The following CEP128 variants were observed in gnomAD, a reference collection of about 807,000 sequenced individuals.
CEP128 encodes the protein centrosomal protein 128kDa.
CEP128 carries 132 observed loss-of-function variants against 156.7 expected under a neutral mutation model. The ratio of observed to expected loss-of-function variants is 0.84; its 90% confidence interval spans 0.73 to 0.97. The LOEUF is 0.97. CEP128 is among the 50% of genes least tolerant of loss of function. The probability of loss-of-function intolerance (pLI) is 0.00; values close to 1 mark genes in which losing one functional copy is unlikely to be tolerated. For missense variants in CEP128, 1,252 were observed against 1,281.9 expected (o/e 0.98, Z 0.36); for synonymous variants, 469 against 448.9 (o/e 1.04, Z -0.57).
intron 8 of CEP128, 103 bp downstream of exon 8, chr14:80,895,615 A>T: frequency 2.9e-6 from 2 of 696,838 alleles, no homozygotes; most frequent in South Asian, 5.3e-5. Flanking sequence ...AATGGGACAT[A>T]CCACCCAAAA....
intron 19 of CEP128, among the ~76,000 whole-genome samples, chr14:80,682,104 T>TC (rs1396731396): frequency 1.2e-4 from 18 of 150,358 alleles, no homozygotes; most frequent in Non-Finnish European, 2.4e-4. Context: ...TAAGACCCTT[T>TC]CCCCCCACAA....
At chr14:80,765,827 C>A (rs764954587) in intron 16 of CEP128, among the ~76,000 whole-genome samples, 5 of 152,150 alleles carry the variant, frequency 3.3e-5, no homozygotes, top group Non-Finnish European at 7.4e-5. Flanking sequence ...AGTGAAAGAA[C>A]CTATTAAATA....
intron 19 of CEP128, among the ~76,000 whole-genome samples, chr14:80,618,157 T>C (rs1311222798): frequency 6.6e-6 from 1 of 152,236 alleles, no homozygotes; most frequent in African/African-American, 2.4e-5. Context: ...AGATACTATG[T>C]CAATACTTTT....
At chr14:80,545,199 G>A (rs955057596) in intron 21 of CEP128, among the ~76,000 whole-genome samples, 3 of 152,190 alleles carry the variant, frequency 2.0e-5, no homozygotes, top group African/African-American at 7.2e-5. Context: ...CTCCAGTGCA[G>A]TGCCTATAAG....
intron 8 of CEP128, among the ~76,000 whole-genome samples, chr14:80,868,709 C>T (rs1056079890): frequency 6.6e-6 from 1 of 151,980 alleles, no homozygotes; most frequent in Non-Finnish European, 1.5e-5. Flanking sequence ...AGAGTAGCTA[C>T]TTAGACTTTT....
chr14:80,494,346 A>C (rs995960407), downstream of CEP128, among the ~76,000 whole-genome samples: 2 of 152,168 alleles, frequency 1.3e-5, no homozygotes, highest in Non-Finnish European at 2.9e-5. Context: ...ACACTGGAAC[A>C]GTTTGTCTGG....
chr14:80,599,952 T>C (rs1034161561), intron 19 of CEP128, among the ~76,000 whole-genome samples: 3 of 152,144 alleles, frequency 2.0e-5, no homozygotes, highest in East Asian at 1.9e-4. Context: ...CCTGAAGATA[T>C]CTGTGTTTTC....
intron 19 of CEP128, among the ~76,000 whole-genome samples, chr14:80,739,117 C>A (rs1293453299): frequency 6.6e-6 from 1 of 152,204 alleles, no homozygotes; most frequent in African/African-American, 2.4e-5. Flanking sequence ...TCCTTTTCTC[C>A]AAATACTCAT....
rs543779309 is a variant in CEP128 at position 80,511,055 on chromosome 14, T to A, written c.3073-6035A>T. On this transcript the variant is annotated intron_variant, in intron 23 of 24. Coordinates refer to ENST00000555265, the MANE Select transcript of CEP128 (RefSeq NM_152446.5). The stretch of plus-strand genomic sequence containing the variant: ...TCATCAGAGATATTGGCCTGTGGGT[T>A]TTTTTTTTCCTTTTTTTTTTTTATA... Among the ~76,000 whole-genome samples the A allele has an allele frequency of 1.1e-3, 167 of 150,752 alleles. 1 individual carries two copies. Among genetic ancestry groups the A allele is most frequent in the African/African-American group, 3.9e-3 (161 of 41,156 alleles).
intron 19 of CEP128, among the ~76,000 whole-genome samples, chr14:80,699,962 C>T (rs572079982): frequency 1.3e-5 from 2 of 152,252 alleles, no homozygotes; most frequent in South Asian, 2.1e-4. Flanking sequence ...ACCTCTACTA[C>T]AGGGACCAGT....
At chr14:80,513,151 A>G (rs150771200) in intron 23 of CEP128, among the ~76,000 whole-genome samples, 1,756 of 152,194 alleles carry the variant, frequency 0.012, 19 homozygotes, top group Non-Finnish European at 0.02. Context: ...TTGTTATAGG[A>G]CAGGTCTAGT....
At chr14:80,565,572 C>T (rs1890879792) in intron 20 of CEP128, among the ~76,000 whole-genome samples, 1 of 152,174 alleles carries the variant, frequency 6.6e-6, no homozygotes, top group Non-Finnish European at 1.5e-5. Context: ...TGGGTGGATA[C>T]AGTTTGTAAC....
At chr14:80,617,098 T>C (rs181129168) in intron 19 of CEP128, among the ~76,000 whole-genome samples, 3 of 135,608 alleles carry the variant, frequency 2.2e-5, no homozygotes, top group Non-Finnish European at 3.2e-5. Context: ...AGGAAAACAT[T>C]TGGAACTAAG....
chr14:80,642,095 A>AAAAAAAAAAG (rs1374877950), intron 19 of CEP128, among the ~76,000 whole-genome samples: 2 of 150,388 alleles, frequency 1.3e-5, no homozygotes, highest in African/African-American at 2.4e-5. Context: ...GTTTCAAAAA[A>AAAAAAAAAAG]AAAAAAGAAG....
chr14:80,884,715 G>A (rs11844105), intron 8 of CEP128, among the ~76,000 whole-genome samples: 1 of 152,166 alleles, frequency 6.6e-6, no homozygotes, highest in South Asian at 2.1e-4. Context: ...TGGGTTTCAA[G>A]CACAAAACTG....
chr14:80,486,884 A>T (rs902026875), downstream of CEP128, among the ~76,000 whole-genome samples: 1 of 152,150 alleles, frequency 6.6e-6, no homozygotes, highest in Admixed American at 6.5e-5. Flanking sequence ...AGCACTAAAC[A>T]TGGAAAGGAA....
intron 8 of CEP128, among the ~76,000 whole-genome samples, chr14:80,874,622 G>C (rs372008634): frequency 1.3e-5 from 2 of 152,060 alleles, no homozygotes; most frequent in Admixed American, 6.6e-5. Context: ...AATATAGTTT[G>C]TTTGTTTGTT....
At chr14:80,600,270 C>A (rs1259592475) in intron 19 of CEP128, among the ~76,000 whole-genome samples, 1 of 152,000 alleles carries the variant, frequency 6.6e-6, no homozygotes, top group Non-Finnish European at 1.5e-5. Context: ...CATTAATTTG[C>A]AAAACTGATA....
intron 20 of CEP128, among the ~76,000 whole-genome samples, chr14:80,563,016 A>G (rs910981075): frequency 6.6e-5 from 10 of 152,158 alleles, no homozygotes; most frequent in African/African-American, 2.4e-4. Flanking sequence ...AAAAGCCAGT[A>G]TATGTCCTAG....
Sources: allele counts gnomAD v4.1 joint callset (sites outside exome capture counted in the v4.1 genomes callset), GRCh38; gene constraint gnomAD v4.1.1; transcripts MANE v1.5; gene names NCBI Gene and HGNC (gene_info 2026-07-23, HGNC 2026-07-21).